Variants in MTUS2 observed in about 807,000 individuals in gnomAD.
MTUS2 encodes microtubule associated scaffold protein 2.
A neutral mutation model predicts 114.1 loss-of-function variants in MTUS2; 40 were observed. The ratio of observed to expected loss-of-function variants is 0.35; its 90% CI spans 0.27 to 0.46. The LOEUF (loss-of-function observed/expected upper bound fraction) is 0.46, where lower values mean the gene tolerates loss of function less well. MTUS2 is among the 20% of genes least tolerant of loss of function. The pLI is 1.00. For synonymous variants in MTUS2, 688 were observed against 672.0 expected, an observed-to-expected ratio of 1.02 and a Z score of -0.37; for missense variants, 1,679 against 1,705.4, an observed-to-expected ratio of 0.98 and a Z score of 0.27.
At chr13:29,493,569 G>A (rs1250991739) in intron 12 of MTUS2, among the ~76,000 whole-genome samples, 3 of 152,148 alleles carry the variant, frequency 2.0e-5, no homozygotes, top group Non-Finnish European at 4.4e-5. Flanking sequence ...GGCAACATAC[G>A]TGGCACTGAG....
chr13:29,118,777 T>C (rs369357388), intron 5 of MTUS2, among the ~76,000 whole-genome samples: 9 of 152,176 alleles, frequency 5.9e-5, no homozygotes, highest in African/African-American at 2.2e-4. Flanking sequence ...ACTAGGACTA[T>C]AGGAGAGTGG....
chr13:29,393,959 G>GCAGAGGTATGACTTTGGA (rs1294902154), intron 8 of MTUS2, among the ~76,000 whole-genome samples: 11 of 152,178 alleles, frequency 7.2e-5, no homozygotes, highest in African/African-American at 2.4e-4. Context: ...ATCTCAGTGA[G>GCAGAGGTATGACTTTGGA]CAGAGGTATG....
intron 5 of MTUS2, among the ~76,000 whole-genome samples, chr13:29,237,563 G>T (rs9550454): frequency 0.76 from 115,370 of 151,986 alleles, 43,924 homozygotes; most frequent in East Asian, 0.89. Flanking sequence ...TCTGGACCCA[G>T]TGCCCACAGG....
intron 2 of MTUS2, among the ~76,000 whole-genome samples, chr13:28,851,283 A>C (rs1161862570): frequency 6.6e-6 from 1 of 152,232 alleles, no homozygotes; most frequent in East Asian, 1.9e-4. Flanking sequence ...ATTCTGAAAC[A>C]TTCAAAATTA....
chr13:28,892,155 C>A (rs1474781007), intron 2 of MTUS2, among the ~76,000 whole-genome samples: 1 of 152,162 alleles, frequency 6.6e-6, no homozygotes, highest in Non-Finnish European at 1.5e-5. Context: ...TTCCTGGACT[C>A]CTTGAGGGAT....
intron 9 of MTUS2, among the ~76,000 whole-genome samples, chr13:29,455,473 C>G (rs1879036119): frequency 6.6e-6 from 1 of 152,260 alleles, no homozygotes; most frequent in African/African-American, 2.4e-5. Flanking sequence ...AAGTGTCTGT[C>G]TAGCGCGAAA....
chr13:29,191,324 A>G (rs1022947178), intron 5 of MTUS2, among the ~76,000 whole-genome samples: 1 of 152,008 alleles, frequency 6.6e-6, no homozygotes, highest in Non-Finnish European at 1.5e-5. Flanking sequence ...TTATATATAT[A>G]TAATTGGTTC....
chr13:29,006,313 A>G (rs1478880676), intron 2 of MTUS2, among the ~76,000 whole-genome samples: 4 of 152,232 alleles, frequency 2.6e-5, no homozygotes, highest in African/African-American at 7.2e-5. Flanking sequence ...ATCTCTGGGC[A>G]TTACTCCTTT....
intron 2 of MTUS2, among the ~76,000 whole-genome samples, chr13:28,967,809 T>A (rs1342972124): frequency 1.2e-4 from 18 of 152,158 alleles, no homozygotes; most frequent in Admixed American, 1.2e-3. Flanking sequence ...CCAGGAGCCA[T>A]GAGTCTGTGT....
At chr13:28,899,391 C>G (rs1473738810) in intron 2 of MTUS2, among the ~76,000 whole-genome samples, 1 of 152,172 alleles carries the variant, frequency 6.6e-6, no homozygotes. Flanking sequence ...AAATGCGAAG[C>G]TGTAAGAAAT....
intron 5 of MTUS2, among the ~76,000 whole-genome samples, chr13:29,191,017 C>T (rs1026209473): frequency 2.6e-5 from 4 of 152,088 alleles, no homozygotes; most frequent in African/African-American, 4.8e-5. Flanking sequence ...GAGAAGTGAG[C>T]GGCGTTACCT....
intron 4 of MTUS2, among the ~76,000 whole-genome samples, chr13:29,080,212 G>T (rs539346246): frequency 6.6e-6 from 1 of 152,116 alleles, no homozygotes; most frequent in Admixed American, 6.6e-5. Context: ...AAATATTTAG[G>T]TAATTTGAAT....
At chr13:29,362,418 C>T (rs1049795218) in intron 8 of MTUS2, among the ~76,000 whole-genome samples, 24 of 152,198 alleles carry the variant, frequency 1.6e-4, no homozygotes, top group African/African-American at 5.8e-4. Context: ...CCTTGAAGAG[C>T]TTGGCCTGGA....
At chr13:28,962,597 T>G (rs567330400) in intron 2 of MTUS2, among the ~76,000 whole-genome samples, 1 of 152,342 alleles carries the variant, frequency 6.6e-6, no homozygotes, top group South Asian at 2.1e-4. Flanking sequence ...GTTTCCTGTT[T>G]GCAGCTGGTG....
chr13:29,086,813 G>A (rs1889712551), intron 4 of MTUS2, among the ~76,000 whole-genome samples: 1 of 152,064 alleles, frequency 6.6e-6, no homozygotes, highest in African/African-American at 2.4e-5. Context: ...ATGTTTTGCA[G>A]TTTTTGTAGA....
chr13:28,856,190 C>G (rs1876616584), intron 2 of MTUS2, among the ~76,000 whole-genome samples: 1 of 152,202 alleles, frequency 6.6e-6, no homozygotes, highest in African/African-American at 2.4e-5. Flanking sequence ...GTTCTGTAAA[C>G]TAATTCCCTT....
At chr13:29,215,864 A>G (rs1004215613) in intron 5 of MTUS2, among the ~76,000 whole-genome samples, 1 of 152,176 alleles carries the variant, frequency 6.6e-6, no homozygotes, top group Non-Finnish European at 1.5e-5. Context: ...TCAGGGATCC[A>G]CTTGAGGAGG....
intron 2 of MTUS2, among the ~76,000 whole-genome samples, chr13:28,948,947 A>C (rs894933815): frequency 1.3e-5 from 2 of 152,170 alleles, no homozygotes; most frequent in Admixed American, 1.3e-4. Context: ...TGGGAGGGCT[A>C]CCAATTTGTA....
intron 3 of MTUS2, among the ~76,000 whole-genome samples, chr13:29,029,239 C>A (rs1886702664): frequency 6.6e-6 from 1 of 152,176 alleles, no homozygotes; most frequent in Non-Finnish European, 1.5e-5. Context: ...ATTCAGGGGT[C>A]CAGTCAGCTT....
Sources: gnomAD v4.1 joint callset for allele counts (sites outside exome capture counted in the v4.1 genomes callset) on GRCh38, gnomAD v4.1.1 for gene constraint, MANE v1.5 for transcripts, NCBI Gene and HGNC (gene_info 2026-07-23, HGNC 2026-07-21) for gene names.